UHRF2: variants seen among roughly 807,000 people sequenced by gnomAD.
UHRF2 encodes the protein ubiquitin like with PHD and ring finger domains 2, also known as E3 ubiquitin-protein ligase UHRF2.
In UHRF2, 23 loss-of-function variants were observed where a neutral mutation model predicts 96.8. The ratio of observed to expected loss-of-function variants is 0.24; its 90% CI spans 0.17 to 0.34. The LOEUF (loss-of-function observed/expected upper bound fraction) is 0.34, where lower values mean the gene tolerates loss of function less well. UHRF2 is among the 10% of genes least tolerant of loss of function. The probability of loss-of-function intolerance (pLI) is 1.00; values close to 1 mark genes in which losing one functional copy is unlikely to be tolerated. For missense variants in UHRF2, 685 were observed against 981.5 expected, an observed-to-expected ratio of 0.70 and a Z score of 4.04; for synonymous variants, 385 against 332.6, an observed-to-expected ratio of 1.16 and a Z score of -1.72.
intron 2 of UHRF2, among the ~76,000 whole-genome samples, chr9:6,425,100 T>C (rs1237759292): frequency 1.3e-5 from 2 of 152,192 alleles, no homozygotes; most frequent in African/African-American, 4.8e-5. Context: ...TACTGTACTG[T>C]TGGAGAGAAA....
At chr9:6,424,054 CAAGG>C (rs1200893599) in intron 2 of UHRF2, among the ~76,000 whole-genome samples, 3 of 152,248 alleles carry the variant, frequency 2.0e-5, no homozygotes, top group South Asian at 2.1e-4. Flanking sequence ...ACGAGCTAGA[CAAGG>C]AAGCCAATTC....
At chr9:6,492,788 A>G (rs1209418818) in intron 9 of UHRF2, 1 of 149,014 alleles carries the variant, frequency 6.7e-6, no homozygotes, top group Non-Finnish European at 1.5e-5. Flanking sequence ...AATAATATCC[A>G]TATAAATTTG....
intron 2 of UHRF2, among the ~76,000 whole-genome samples, chr9:6,426,436 T>C (rs1404141765): frequency 2.6e-5 from 4 of 152,226 alleles, no homozygotes; most frequent in Admixed American, 6.5e-5. Context: ...GTAATAAAAT[T>C]CTCAGAAGGT....
At chr9:6,423,875 GC>G (rs1040710180) in intron 2 of UHRF2, among the ~76,000 whole-genome samples, 7 of 151,992 alleles carry the variant, frequency 4.6e-5, no homozygotes, top group Admixed American at 2.0e-4. Context: ...AACTTGGAGG[GC>G]AGAGGTTGCA....
At chr9:6,471,691 C>G (rs1371641462) in intron 4 of UHRF2, among the ~76,000 whole-genome samples, 1 of 152,138 alleles carries the variant, frequency 6.6e-6, no homozygotes, top group Non-Finnish European at 1.5e-5. Context: ...AACTACCCAG[C>G]TAAGCTACTC....
chr9:6,413,234 C>G lies in UHRF2; in HGVS notation c.-257C>G, dbSNP rs544299262. On this transcript the variant is annotated 5_prime_UTR_variant, in exon 1 of 16. Transcript: ENST00000276893. ...ACTCTGCGCGGCGCAGACATGGCCT[C>G]TTCCTATCTTTGAGGCGGTGTCTGC... 1.1e-3 allele frequency: 203 copies of G among 179,004 alleles called. No homozygotes were observed. Among genetic ancestry groups the G allele is most frequent in the African/African-American group, 4.4e-3 (185 of 42,340 alleles). The allele number at this position is 179,004 out of a possible 1,614,324, so 11.1% of individuals were successfully genotyped here.
In UHRF2 at chr9:6,475,223, G is replaced by A. The variant is rs567231332; in HGVS notation, c.864-168G>A. Among the ~76,000 whole-genome samples the A allele has an allele frequency of 5.9e-5, 9 of 151,962 alleles. No individual in the cohort carries two copies. The East Asian group carries it at 1.7e-3, about 29-fold the overall frequency. On this transcript the variant is annotated intron_variant, in intron 4 of 15. Coordinates refer to ENST00000276893, the MANE Select transcript of UHRF2 (RefSeq NM_152896.3). The stretch of plus-strand genomic sequence containing the variant: ...ACTATGAATGTTAACTAATCACTAT[G>A]GACTTTTCCTACTATTGAAAACAAT...
chr9:6,481,275 G>T (rs1180633575), intron 6 of UHRF2, among the ~76,000 whole-genome samples: 1 of 152,130 alleles, frequency 6.6e-6, no homozygotes, highest in East Asian at 1.9e-4. Context: ...AGTTGTATCT[G>T]TTACACAGTT....
intron 5 of UHRF2, among the ~76,000 whole-genome samples, chr9:6,476,163 C>T (rs1238197312): frequency 6.6e-6 from 1 of 152,162 alleles, no homozygotes; most frequent in Admixed American, 6.6e-5. Flanking sequence ...GCTTCTTTCA[C>T]TTAACATAAT....
rs762087555 is a variant in UHRF2 at position 6,413,520 on chromosome 9, C to T, written c.30C>T (p.Gly10=). 6.9e-6 allele frequency: 11 copies of T among 1,589,462 alleles called. No individual in the cohort carries two copies. The highest frequency in any genetic ancestry group is 1.7e-5 in the Admixed American group (1 of 57,308). ...GGATACAGGTTCGCACCATTGATGGCTCCAAGACGTGCACCATTGAGGACG... is the reference window on the plus strand; with the variant it reads ...GGATACAGGTTCGCACCATTGATGGTTCCAAGACGTGCACCATTGAGGACG... The part of the protein sequence containing the change: MWIQVRTID[G]SKTCTIEDVS... Residue 10 remains glycine (G), a synonymous_variant, in exon 1 of 16, where the codon GGC becomes GGT. Coordinates refer to ENST00000276893, the MANE Select transcript of UHRF2 (RefSeq NM_152896.3).
At chr9:6,467,714 T>A (rs2130867461) in intron 4 of UHRF2, among the ~76,000 whole-genome samples, 1 of 151,576 alleles carries the variant, frequency 6.6e-6, no homozygotes, top group South Asian at 2.1e-4. Flanking sequence ...GCTTGTTTAC[T>A]AGTCACTTGG....
chr9:6,490,691 G>A (rs1824606489), intron 9 of UHRF2, among the ~76,000 whole-genome samples: 1 of 152,134 alleles, frequency 6.6e-6, no homozygotes, highest in African/African-American at 2.4e-5. Context: ...CCATGTTTTT[G>A]AATATACTTA....
chr9:6,424,544 C>T (rs956652399), intron 2 of UHRF2, among the ~76,000 whole-genome samples: 1 of 152,126 alleles, frequency 6.6e-6, no homozygotes. Flanking sequence ...TATTTTAGAA[C>T]AGTTTTAGAT....
Position 6,498,056 on chromosome 9 carries a change from A to G in UHRF2, c.1806A>G (p.Gly602=). 27 of 1,613,546 alleles carry G rather than the reference A, an allele frequency of 1.7e-5. No homozygotes were observed. The highest frequency in any genetic ancestry group is 2.3e-5 in the Non-Finnish European group (27 of 1,179,946). Residue 602 remains glycine, a synonymous_variant, in exon 12 of 16, where the codon GGA becomes GGG. Transcript: ENST00000276893. ...KYWPEISSSH[G]FLVWRYLLRR... is the part of the protein sequence containing the mutation. ...GGCCAGAGATTTCATCAAGCCATGG[A>G]TTCTTGGTTTGGCGCTATCTTTTAA...
At chr9:6,484,206 A>C (rs1299240640) in intron 8 of UHRF2, among the ~76,000 whole-genome samples, 1 of 151,660 alleles carries the variant, frequency 6.6e-6, no homozygotes, top group Non-Finnish European at 1.5e-5. Flanking sequence ...TAAAGATGTA[A>C]AGATGTATAC....
chr9:6,441,668 G>A (rs1434696263), intron 3 of UHRF2, among the ~76,000 whole-genome samples: 1 of 151,564 alleles, frequency 6.6e-6, no homozygotes, highest in Non-Finnish European at 1.5e-5. Flanking sequence ...GACCAAAGAT[G>A]ATATGCAATA....
chr9:6,490,880 G>C (rs1824616252), intron 9 of UHRF2, among the ~76,000 whole-genome samples: 1 of 152,078 alleles, frequency 6.6e-6, no homozygotes, highest in African/African-American at 2.4e-5. Flanking sequence ...TCAACTTTTT[G>C]ATCTTTCTAT....
chr9:6,413,522 C>T lies in UHRF2; in HGVS notation c.32C>T (p.Ser11Phe), dbSNP rs574556038. Reference protein sequence around the residue: MWIQVRTIDGSKTCTIEDVSR... With the variant: MWIQVRTIDGFKTCTIEDVSR... The stretch of plus-strand genomic sequence containing the variant: ...ATACAGGTTCGCACCATTGATGGCT[C>T]CAAGACGTGCACCATTGAGGACGTG... The change falls in exon 1 of 16, where the codon TCC becomes TTC. Residue 11 changes from serine to phenylalanine, a missense_variant. Transcript: ENST00000276893. 13 of 1,590,492 alleles carry T rather than the reference C, an allele frequency of 8.2e-6. No individual in the cohort carries two copies. The South Asian group carries it at 1.4e-4, about 17-fold the overall frequency.
At chr9:6,490,975 G>A (rs571775106) in intron 9 of UHRF2, among the ~76,000 whole-genome samples, 2 of 152,168 alleles carry the variant, frequency 1.3e-5, no homozygotes, top group Non-Finnish European at 2.9e-5. Flanking sequence ...CTGAATTCTT[G>A]AATTTGGTAT....
Sources: allele counts gnomAD v4.1 joint callset (sites outside exome capture counted in the v4.1 genomes callset), GRCh38; gene constraint gnomAD v4.1.1; transcripts MANE v1.5; gene names NCBI Gene and HGNC (gene_info 2026-07-23, HGNC 2026-07-21).